The following MADD variants were observed in gnomAD, a reference collection of about 807,000 sequenced individuals.
MADD encodes MAP kinase activating death domain.
In MADD, 109 loss-of-function variants were observed where a neutral mutation model predicts 176.7. That is an observed-to-expected ratio of 0.62 (90% CI 0.53 to 0.72). MADD has a LOEUF of 0.72. MADD is among the 30% of genes least tolerant of loss of function. The pLI is 0.00. For synonymous variants in MADD, 771 were observed against 771.3 expected (o/e 1.00, Z 0.01); for missense variants, 1,914 against 2,045.5 (o/e 0.94, Z 1.24).
intron 6 of MADD, 26 bp downstream of exon 6, chr11:47,278,304 A>G (rs1373208571): frequency 1.3e-6 from 2 of 1,523,914 alleles, no homozygotes; most frequent in Non-Finnish European, 9.1e-7. Flanking sequence ...GAGGCATTGT[A>G]GAGTCTAGAG....
rs1322423317 is a variant in MADD at position 47,323,715 on chromosome 11, G to A, written c.4242G>A (p.Val1414=). 4 of 1,614,116 alleles carry A rather than the reference G, an allele frequency of 2.5e-6. 1 individual carries two copies. In the South Asian group the frequency reaches 3.3e-5, roughly 13 times the overall value. The change falls in exon 28 of 33, where the codon GTG becomes GTA. Residue 1414 remains valine, a synonymous_variant. Coordinates refer to ENST00000402192, the Ensembl canonical transcript of MADD. ...TGTTGCGTAGTAACATCGGAACAGT[G>A]TATGAGCGCTGGTGGTACGAGAAGC...
intron 30 of MADD, chr11:47,324,834 C>T (rs2095221038): frequency 3.1e-6 from 2 of 647,496 alleles, no homozygotes; most frequent in Non-Finnish European, 5.6e-6. Context: ...CACGCTGCCC[C>T]ATCCGTTGGA....
At chr11:47,307,503 TG>T (rs2083848368) in intron 22 of MADD, among the ~76,000 whole-genome samples, 2 of 152,308 alleles carry the variant, frequency 1.3e-5, no homozygotes, top group African/African-American at 2.4e-5. Context: ...AGTAAAATAT[TG>T]GGCTGTGAAC....
At chr11:47,269,956 G>C (rs1477058137), upstream of MADD, 1 of 152,248 alleles carries the variant, frequency 6.6e-6, no homozygotes, top group Non-Finnish European at 1.5e-5. Flanking sequence ...GGGTCGGCCT[G>C]GCGCGCCCTC....
At chr11:47,274,618 T>C (rs1348397440) in exon 3 of MADD, 1 of 1,614,232 alleles carries the variant, frequency 6.2e-7, no homozygotes, top group African/African-American at 1.3e-5. Flanking sequence ...GCGATACCCC[T>C]TGGAGGATCA....
At chr11:47,277,949 G>A (rs144926642) in intron 5 of MADD, among the ~76,000 whole-genome samples, 81 of 152,304 alleles carry the variant, frequency 5.3e-4, no homozygotes, top group African/African-American at 1.8e-3. Flanking sequence ...ATCACAGAAA[G>A]TGAAACTGTG....
intron 27 of MADD, 36 bp downstream of exon 30, chr11:47,315,363 A>G (rs747813443): frequency 2.2e-5 from 29 of 1,300,904 alleles, no homozygotes; most frequent in Middle Eastern, 1.8e-4. Flanking sequence ...CCAAAGGGCT[A>G]TTGAGAGTCA....
At chr11:47,279,381 C>CTT (rs34428529) in intron 7 of MADD, among the ~76,000 whole-genome samples, 3,504 of 116,766 alleles carry the variant, frequency 0.03, 159 homozygotes, top group South Asian at 0.098. Flanking sequence ...TTTTCTCAGT[C>CTT]TTTTTTTTTT....
chr11:47,315,449 A>G lies in MADD; in HGVS notation c.4197+122A>G. ...CATCTTCATGATCTATTTATCATTA[A>G]ATTATCAGATTGGTTTTTTTGTTTT... On this transcript the variant is annotated intron_variant, in intron 27 of 32. Coordinates refer to ENST00000402192, the Ensembl canonical transcript of MADD. 8.6e-6 allele frequency: 5 copies of G among 578,764 alleles called. No individual in the cohort carries two copies. In the South Asian group the frequency reaches 9.0e-5, roughly 10 times the overall value. The allele number at this position is 578,764 out of a possible 1,614,324, so 35.9% of individuals were successfully genotyped here.
At chr11:47,300,541 A>T (rs2076957311) in intron 22 of MADD, among the ~76,000 whole-genome samples, 1 of 150,570 alleles carries the variant, frequency 6.6e-6, no homozygotes, top group African/African-American at 2.5e-5. Flanking sequence ...TCTGTTGCTC[A>T]GGCTGGAGTG....
At chr11:47,272,382 C>T (rs1212371315) in intron 1 of MADD, 1 of 152,158 alleles carries the variant, frequency 6.6e-6, no homozygotes, top group Admixed American at 6.5e-5. Context: ...AAAACTTCTA[C>T]TCATTACCTA....
At chr11:47,278,026 G>T in intron 5 of MADD, 139 bp from the exon 6 acceptor site, 1 of 652,704 alleles carries the variant, frequency 1.5e-6, no homozygotes, top group East Asian at 2.5e-5. Context: ...GAAAAATTCT[G>T]AATTTTCAAA....
At position 47,294,023 on chromosome 11, in the gene MADD, T is replaced by C. The variant is rs754585474; in HGVS notation, c.3402+40T>C. 3 of 1,457,356 alleles carry C rather than the reference T, an allele frequency of 2.1e-6. No individual in the cohort carries two copies. The African/African-American group carries it at 4.2e-5, about 20-fold the overall frequency. 90.3% of individuals were successfully genotyped at this position (1,457,356 alleles called of 1,614,324 possible). ...TGTTGAAATTTGCAAGTATTAAATATGCTGTCTCAGAATACTTCTTTAAGT... is the reference window on the plus strand; with the variant it reads ...TGTTGAAATTTGCAAGTATTAAATACGCTGTCTCAGAATACTTCTTTAAGT... On this transcript the variant is annotated intron_variant, in intron 20 of 32. Transcript: ENST00000402192.
At chr11:47,269,208 A>C (rs1449626), upstream of MADD, 40,593 of 153,988 alleles carry the variant, frequency 0.26, 6,402 homozygotes, top group East Asian at 0.6. Flanking sequence ...CCAGGCCCAG[A>C]GGAGGGAGAG....
At chr11:47,299,245 A>T (rs993964532) in intron 22 of MADD, among the ~76,000 whole-genome samples, 1 of 152,128 alleles carries the variant, frequency 6.6e-6, no homozygotes, top group Admixed American at 6.6e-5. Flanking sequence ...TTGAATCTGT[A>T]GATCACTTTT....
intron 7 of MADD, 103 bp downstream of exon 7, chr11:47,279,182 G>A: frequency 8.8e-7 from 1 of 1,134,302 alleles, no homozygotes; most frequent in Non-Finnish European, 1.3e-6. Context: ...ACTTCAAGTG[G>A]AGTAGTTTTC....
chr11:47,283,098 T>A, intron 10 of MADD, 129 bp downstream of exon 10: 1 of 821,770 alleles, frequency 1.2e-6, no homozygotes, highest in Non-Finnish European at 1.6e-6. Flanking sequence ...TTTATTTTAT[T>A]TATTTATTTT....
intron 24 of MADD, 48 bp from the exon 28 acceptor site, chr11:47,309,459 C>G: frequency 1.2e-6 from 2 of 1,614,124 alleles, no homozygotes; most frequent in Non-Finnish European, 1.7e-6. Context: ...CCAGTTAGTT[C>G]TGTGGTCTCC....
intron 32 of MADD, 59 bp downstream of exon 36, chr11:47,328,763 C>T (rs2095746441): frequency 4.4e-6 from 7 of 1,608,428 alleles, no homozygotes; most frequent in South Asian, 1.1e-5. Flanking sequence ...GGGGGACCTT[C>T]GGACAGGAGG....
Sources: gnomAD v4.1 joint callset for allele counts (sites outside exome capture counted in the v4.1 genomes callset) on GRCh38, gnomAD v4.1.1 for gene constraint, MANE v1.5 for transcripts, NCBI Gene and HGNC (gene_info 2026-07-23, HGNC 2026-07-21) for gene names.